RPS6KA2: variants seen among roughly 807,000 people sequenced by gnomAD.
RPS6KA2 encodes the protein ribosomal protein S6 kinase alpha-2.
Under a neutral mutation model 91.8 loss-of-function variants are expected in RPS6KA2, and 42 were observed. The ratio of observed to expected loss-of-function variants is 0.46; its 90% CI spans 0.36 to 0.59. The LOEUF (loss-of-function observed/expected upper bound fraction) is 0.59, where lower values mean the gene tolerates loss of function less well. Among genes scored for constraint, RPS6KA2 ranks in the 20% least tolerant of loss-of-function variants. The pLI, the probability that RPS6KA2 is intolerant of heterozygous loss-of-function variation, is 0.00. For missense variants in RPS6KA2, 798 were observed against 978.5 expected, an observed-to-expected ratio of 0.82 and a Z score of 2.46; for synonymous variants, 414 against 393.6, an observed-to-expected ratio of 1.05 and a Z score of -0.61.
intron 16 of RPS6KA2, among the ~76,000 whole-genome samples, chr6:166,427,194 C>A (rs1190174494): frequency 6.6e-6 from 1 of 150,488 alleles, no homozygotes; most frequent in Non-Finnish European, 1.5e-5. Flanking sequence ...GAACCAAAGA[C>A]AAAAACCACA....
chr6:166,580,611 G>A (rs750373755), intron 1 of RPS6KA2, among the ~76,000 whole-genome samples: 12 of 152,330 alleles, frequency 7.9e-5, no homozygotes, highest in Middle Eastern at 6.8e-3. Flanking sequence ...GTCCATGCCT[G>A]TCATTGTATG....
intron 2 of RPS6KA2, among the ~76,000 whole-genome samples, chr6:166,534,158 C>G (rs1783395186): frequency 7.3e-6 from 1 of 136,356 alleles, no homozygotes; most frequent in Non-Finnish European, 1.5e-5. Flanking sequence ...GGAGGCGGAG[C>G]TTGCAGTGAG....
At position 166,626,940 on chromosome 6, in the gene RPS6KA2, G is replaced by T. The variant is rs758337138; in HGVS notation, c.80C>A (p.Ser27Tyr). 4.5e-6 allele frequency: 7 copies of T among 1,550,576 alleles called. No homozygotes were observed. In the East Asian group the frequency reaches 1.3e-4, roughly 28 times the overall value. ...CATTACCTCGAGCCGGCTCAGGCTG[G>T]AGCTCTTGGAGCGCGACTTCCTGCG... Reference protein sequence around the residue: ...YLRRKSRSKSSSLSRLEEEGV... With the variant: ...YLRRKSRSKSYSLSRLEEEGV... The change falls in exon 1 of 21, where the codon TCC becomes TAC. Residue 27 changes from serine to tyrosine, a missense_variant. By Grantham distance (144) the Ser-to-Tyr change is moderately radical. Coordinates refer to ENST00000265678, the MANE Select transcript of RPS6KA2 (RefSeq NM_021135.6). The surrounding 1 kb of genome is among the most constrained non-coding windows in gnomAD (Gnocchi z 4.1).
chr6:166,560,234 T>C (rs1220599607), intron 1 of RPS6KA2, among the ~76,000 whole-genome samples: 1 of 152,220 alleles, frequency 6.6e-6, no homozygotes. Context: ...AAGGGTTCTA[T>C]CACCAATGGG....
At chr6:166,716,035 C>CAA (rs141709524) in intron 2 of RPS6KA2, among the ~76,000 whole-genome samples, 21 of 89,770 alleles carry the variant, frequency 2.3e-4, no homozygotes, top group African/African-American at 9.5e-4. Flanking sequence ...GAGACTCCAT[C>CAA]AAAAAAAAAA....
exon 1 of RPS6KA2, chr6:166,862,231 C>G: frequency 3.7e-6 from 6 of 1,611,766 alleles, no homozygotes; most frequent in Non-Finnish European, 5.1e-6. Context: ...TAAACAGAGG[C>G]TCGGACCGGC....
intron 2 of RPS6KA2, among the ~76,000 whole-genome samples, chr6:166,669,408 A>G (rs7752989): frequency 1.3e-5 from 2 of 152,050 alleles, no homozygotes; most frequent in African/African-American, 4.8e-5. Context: ...GAGGACAGCT[A>G]TGTAGTCAAC....
Position 166,776,999 on chromosome 6 carries a change from CT to C in RPS6KA2, c.123+81200del, listed in dbSNP as rs1160331257. On this transcript the variant is annotated intron_variant, in intron 2 of 21. Coordinates refer to the RPS6KA2 transcript ENST00000503859. Reference sequence around the variant, plus strand: ...TAGTTCTCTTTTGGAGAAATGTCTACTTAAGCCCATCACCCATTTTTTCATT... The same window carrying C: ...TAGTTCTCTTTTGGAGAAATGTCTACTAAGCCCATCACCCATTTTTTCATT... Among the ~76,000 whole-genome samples, 3 of 152,166 alleles carry C rather than the reference CT, an allele frequency of 2.0e-5. No individual in the cohort carries two copies. In the South Asian group the frequency reaches 6.2e-4, roughly 31 times the overall value.
chr6:166,508,297 G>C lies in RPS6KA2; in HGVS notation c.380-15C>G. 6.4e-7 allele frequency: 1 copy of C among 1,574,506 alleles called. No individual in the cohort carries two copies. The highest frequency in any genetic ancestry group is 2.2e-5 in the East Asian group (1 of 44,640). On this transcript the variant is annotated splice_polypyrimidine_tract_variant and intron_variant, in intron 4 of 20. Coordinates refer to ENST00000265678, the MANE Select transcript of RPS6KA2 (RefSeq NM_021135.6). This position sits in a 1 kb window ranked among gnomAD's most constrained non-coding sequence, Gnocchi z 4.3. ...CGTCTGAAAGGCTGTGGGGGACAGA[G>C]ACCCGCATTTTGACAGCTTGTCGAA...
chr6:166,686,863 G>A (rs938028283), intron 2 of RPS6KA2, among the ~76,000 whole-genome samples: 1 of 152,178 alleles, frequency 6.6e-6, no homozygotes, highest in African/African-American at 2.4e-5. Flanking sequence ...TTACAGTGTG[G>A]CCACAAATCC....
chr6:166,761,738 C>T (rs144489008), intron 2 of RPS6KA2, among the ~76,000 whole-genome samples: 34 of 152,324 alleles, frequency 2.2e-4, no homozygotes, highest in African/African-American at 7.7e-4. Context: ...GTGTTGAAGA[C>T]ATCACTGGGA....
Position 166,479,065 on chromosome 6 carries a change from G to T in RPS6KA2, c.908-9160C>A, listed in dbSNP as rs142580807. ...ACACGCTCCCCTCTCCTCTTTCGCT[G>T]CTGCTCTTTCTTCCCCTTCCATCAG... On this transcript the variant is annotated intron_variant, in intron 10 of 20. Coordinates refer to ENST00000265678, the MANE Select transcript of RPS6KA2 (RefSeq NM_021135.6). Among the ~76,000 whole-genome samples, 29 of 152,292 alleles carry T rather than the reference G, an allele frequency of 1.9e-4. 2 individuals are homozygous for T. The East Asian group carries it at 5.6e-3, about 29-fold the overall frequency.
At position 166,807,106 on chromosome 6, in the gene RPS6KA2, T is replaced by A. The variant is rs186365691; in HGVS notation, c.123+51094A>T. Among the ~76,000 whole-genome samples, 406 of 152,210 alleles carry A rather than the reference T, an allele frequency of 2.7e-3. 4 individuals carry two copies. The highest frequency in any genetic ancestry group is 9.2e-3 in the African/African-American group (382 of 41,540). On this transcript the variant is annotated intron_variant, in intron 2 of 21. Coordinates refer to the RPS6KA2 transcript ENST00000503859. ...AAATGAGAGACAAAACGCTATAATATAGAAAACAAATAGCAAAATGACAGA... is the reference window on the plus strand; with the variant it reads ...AAATGAGAGACAAAACGCTATAATAAAGAAAACAAATAGCAAAATGACAGA...
chr6:166,753,657 C>T lies in RPS6KA2; in HGVS notation c.123+104543G>A, dbSNP rs536598607. ...TTGTTATTATGAAAGTTTGTCACCT[C>T]CCTACAAACACATCTTGACTGTTAT... On this transcript the variant is annotated intron_variant, in intron 2 of 21. Transcript: ENST00000503859. Among the ~76,000 whole-genome samples the T allele has an allele frequency of 3.9e-5, 6 of 152,296 alleles. No homozygotes were observed. The East Asian group carries it at 1.2e-3, about 29-fold the overall frequency.
rs767502310 is a variant in RPS6KA2 at position 166,504,604 on chromosome 6, G to A, written c.468C>T (p.Phe156=). 7 of 1,606,360 alleles carry A rather than the reference G, an allele frequency of 4.4e-6. No individual in the cohort carries two copies. The South Asian group carries it at 6.7e-5, about 15-fold the overall frequency. ...LFTRLSKEVM[F]TEEDVKFYLA... is the part of the protein sequence containing the mutation. ...GGTAGAACTTGACATCCTCCTCCGT[G>A]AACATGACCTAGTAAGAAAAAAACA... The change falls in exon 6 of 21, where the codon TTC becomes TTT. Residue 156 remains phenylalanine, a synonymous_variant. Coordinates refer to ENST00000265678, the MANE Select transcript of RPS6KA2 (RefSeq NM_021135.6).
chr6:166,833,600 A>G (rs1780241003), intron 2 of RPS6KA2, among the ~76,000 whole-genome samples: 1 of 152,200 alleles, frequency 6.6e-6, no homozygotes, highest in Non-Finnish European at 1.5e-5. Context: ...GTCTACAGGT[A>G]GAAGTGGAGT....
chr6:166,650,231 A>G (rs1787809045), intron 2 of RPS6KA2, among the ~76,000 whole-genome samples: 1 of 151,998 alleles, frequency 6.6e-6, no homozygotes, highest in African/African-American at 2.4e-5. Flanking sequence ...GGAATGAGAT[A>G]AGGCCTCCCC....
At chr6:166,620,760 A>G (rs187862809) in intron 1 of RPS6KA2, among the ~76,000 whole-genome samples, 95 of 152,378 alleles carry the variant, frequency 6.2e-4, no homozygotes, top group Non-Finnish European at 1.2e-3. Flanking sequence ...TCACTGATGA[A>G]GCATTTAATA....
intron 2 of RPS6KA2, among the ~76,000 whole-genome samples, chr6:166,761,700 T>C (rs191956412): frequency 9.2e-5 from 14 of 152,306 alleles, no homozygotes; most frequent in Non-Finnish European, 1.5e-4. Flanking sequence ...TTTGGACCCA[T>C]AGAGAATCAG....
Sources: gnomAD v4.1 joint callset for allele counts (sites outside exome capture counted in the v4.1 genomes callset) on GRCh38, gnomAD v4.1.1 for gene constraint, Gnocchi (gnomAD v3.1) non-coding constraint, MANE v1.5 for transcripts, NCBI Gene and HGNC (gene_info 2026-07-23, HGNC 2026-07-21) for gene names.